PCDH11X: variants seen among roughly 807,000 people sequenced by gnomAD.
The protein encoded by PCDH11X is protocadherin 11 X-linked, also known as protocadherin-11 X-linked.
A neutral mutation model predicts 53.3 loss-of-function variants in PCDH11X; 18 were observed. That is an observed-to-expected ratio of 0.34 (90% CI 0.23 to 0.50). The LOEUF (loss-of-function observed/expected upper bound fraction) is 0.50, where lower values mean the gene tolerates loss of function less well. PCDH11X is among the 20% of genes least tolerant of loss of function. The pLI is 0.98. For missense variants in PCDH11X, 570 were observed against 1,032.4 expected (o/e 0.55, Z 6.14); for synonymous variants, 279 against 393.3 (o/e 0.71, Z 3.44).
At chrX:91,862,027 C>T (rs1045399365) in intron 5 of PCDH11X, among the ~76,000 whole-genome samples, 1 of 110,605 alleles carries the variant, frequency 9.0e-6, no homozygotes, top group East Asian at 2.8e-4. Context: ...TTGGCACCAC[C>T]GCCACTCATC....
chrX:92,373,751 A>G (rs766468048), intron 8 of PCDH11X, among the ~76,000 whole-genome samples: 1 of 112,036 alleles, frequency 8.9e-6, no homozygotes, highest in East Asian at 2.8e-4. Flanking sequence ...ATTATATCAG[A>G]AAGATAATTA....
intron 8 of PCDH11X, among the ~76,000 whole-genome samples, chrX:92,330,660 A>G (rs1469678375): frequency 2.7e-4 from 30 of 111,404 alleles, no homozygotes; most frequent in African/African-American, 9.8e-4. Context: ...GCACATCCCA[A>G]GTGTCCATCA....
intron 9 of PCDH11X, among the ~76,000 whole-genome samples, chrX:92,407,923 T>C (rs748932593): frequency 1.1e-3 from 118 of 109,679 alleles, no homozygotes; most frequent in African/African-American, 3.5e-3. Context: ...TCTTGTTCTG[T>C]TGCCCAGGCT....
At chrX:92,271,101 T>C (rs1358940964) in intron 8 of PCDH11X, among the ~76,000 whole-genome samples, 2 of 112,407 alleles carry the variant, frequency 1.8e-5, no homozygotes, top group African/African-American at 3.2e-5. Flanking sequence ...ATGTTTGTTG[T>C]GCAGATTTAA....
chrX:92,469,326 G>A (rs1250910922), intron 10 of PCDH11X, among the ~76,000 whole-genome samples: 1 of 110,670 alleles, frequency 9.0e-6, no homozygotes, highest in African/African-American at 3.3e-5. Context: ...ACACTGTGTT[G>A]GGGTAGTTCT....
At chrX:92,244,374 G>T (rs761645259) in intron 7 of PCDH11X, among the ~76,000 whole-genome samples, 1 of 107,226 alleles carries the variant, frequency 9.3e-6, no homozygotes, top group Non-Finnish European at 1.9e-5. Flanking sequence ...GGACCCTAAA[G>T]CAAAAGTTTT....
chrX:92,264,790 C>G (rs2067789652), intron 8 of PCDH11X, among the ~76,000 whole-genome samples: 1 of 109,435 alleles, frequency 9.1e-6, no homozygotes, highest in Non-Finnish European at 1.9e-5. Flanking sequence ...TCAGGAAACT[C>G]TTAAGTCATG....
chrX:92,277,439 G>A (rs2068125102), intron 8 of PCDH11X, among the ~76,000 whole-genome samples: 1 of 110,412 alleles, frequency 9.1e-6, no homozygotes, highest in Non-Finnish European at 1.9e-5. Flanking sequence ...GGTGTGAGTT[G>A]AAGAGGTCTT....
chrX:91,811,250 A>G lies in PCDH11X; in HGVS notation c.-90A>G. On this transcript the variant is annotated 5_prime_UTR_variant, in exon 4 of 11. Coordinates refer to ENST00000682573, the MANE Select transcript of PCDH11X (RefSeq NM_032968.5). ...CCCACTCAACAGCTGATTGCAGAGC[A>G]CTATGAGGACTGAACGACAGTGGGT... is the stretch of plus-strand genomic sequence containing the variant. The G allele has an allele frequency of 8.3e-7, 1 of 1,206,195 alleles. No individual in the cohort carries two copies. The highest frequency in any genetic ancestry group is 1.1e-6 in the Non-Finnish European group (1 of 893,362).
intron 9 of PCDH11X, among the ~76,000 whole-genome samples, chrX:92,417,047 G>C (rs1250752362): frequency 9.0e-6 from 1 of 110,550 alleles, no homozygotes; most frequent in Non-Finnish European, 1.9e-5. Flanking sequence ...ATGACTGTCA[G>C]AGTTGTTTTT....
At chrX:92,264,358 G>T (rs2067779583) in intron 8 of PCDH11X, among the ~76,000 whole-genome samples, 1 of 111,524 alleles carries the variant, frequency 9.0e-6, no homozygotes, top group Admixed American at 9.6e-5. Flanking sequence ...TTGGAGTGAT[G>T]AATTTTTGAA....
chrX:91,816,037 A>G (rs1936439618), intron 4 of PCDH11X, among the ~76,000 whole-genome samples: 1 of 109,174 alleles, frequency 9.2e-6, no homozygotes, highest in Non-Finnish European at 1.9e-5. Flanking sequence ...CTGAGGCAGG[A>G]GAATCACTTG....
chrX:91,933,901 T>G (rs1056738382), intron 6 of PCDH11X, among the ~76,000 whole-genome samples: 4 of 109,721 alleles, frequency 3.6e-5, no homozygotes, highest in Non-Finnish European at 7.6e-5. Context: ...TGTGAACAAT[T>G]AACAAAAATC....
At chrX:92,611,473 G>A (rs1927374912) in intron 10 of PCDH11X, among the ~76,000 whole-genome samples, 1 of 109,892 alleles carries the variant, frequency 9.1e-6, no homozygotes, top group Non-Finnish European at 1.9e-5. Context: ...TTGTGTTCCA[G>A]GAGCCTTTCA....
At chrX:91,952,250 T>C (rs1254099368) in intron 6 of PCDH11X, among the ~76,000 whole-genome samples, 2 of 110,274 alleles carry the variant, frequency 1.8e-5, no homozygotes, top group Non-Finnish European at 3.8e-5. Flanking sequence ...GATTTGGCAG[T>C]TGATTTTATT....
At chrX:92,110,938 G>T (rs2064490395) in intron 6 of PCDH11X, among the ~76,000 whole-genome samples, 1 of 109,097 alleles carries the variant, frequency 9.2e-6, no homozygotes, top group African/African-American at 3.3e-5. Context: ...TTTCTTAGAG[G>T]AACCAGGACA....
At chrX:92,042,428 C>T (rs913396519) in intron 6 of PCDH11X, among the ~76,000 whole-genome samples, 1 of 101,560 alleles carries the variant, frequency 9.8e-6, no homozygotes, top group African/African-American at 3.7e-5. Flanking sequence ...TTAAGACACA[C>T]ACTTTACAAA....
At chrX:92,257,589 T>C (rs936555308) in intron 7 of PCDH11X, among the ~76,000 whole-genome samples, 1 of 112,286 alleles carries the variant, frequency 8.9e-6, no homozygotes, top group Non-Finnish European at 1.9e-5. Flanking sequence ...GTAAATACTC[T>C]CATTCAAAAA....
chrX:92,157,817 T>C (rs1271631043), intron 6 of PCDH11X, among the ~76,000 whole-genome samples: 3 of 112,199 alleles, frequency 2.7e-5, no homozygotes, highest in Admixed American at 1.9e-4. Context: ...CAATAAACAT[T>C]TAAATAATAT....
Sources: allele counts gnomAD v4.1 joint callset (sites outside exome capture counted in the v4.1 genomes callset), GRCh38; gene constraint gnomAD v4.1.1; transcripts MANE v1.5; gene names NCBI Gene and HGNC (gene_info 2026-07-23, HGNC 2026-07-21).